The following SLC12A8 variants were observed in gnomAD, a reference collection of about 807,000 sequenced individuals.
SLC12A8 encodes the protein solute carrier family 12 member 8.
In SLC12A8, 69 loss-of-function variants were observed where a neutral mutation model predicts 75.6. That is an observed-to-expected ratio of 0.91 (90% CI 0.75 to 1.11). SLC12A8 has a LOEUF of 1.11. SLC12A8 is among the 50% of genes most tolerant of loss of function. The pLI, the probability that SLC12A8 is intolerant of heterozygous loss-of-function variation, is 0.00. For synonymous variants in SLC12A8, 365 were observed against 372.8 expected (o/e 0.98, Z 0.24); for missense variants, 877 against 896.7 (o/e 0.98, Z 0.28).
In SLC12A8 at chr3:125,177,726, G is replaced by A. The variant is rs771537676; in HGVS notation, c.622+17C>T. ...TGAAGATCCATAAGGCCACATACTG[G>A]ACTCTGAAAGGCTTACCTGGGTCCA... On this transcript the variant is annotated intron_variant, in intron 5 of 13. Transcript: ENST00000469902. 5 of 1,600,686 alleles carry A rather than the reference G, an allele frequency of 3.1e-6. No individual in the cohort carries two copies. In the East Asian group the frequency reaches 8.9e-5, roughly 29 times the overall value.
intron 4 of SLC12A8, among the ~76,000 whole-genome samples, chr3:125,181,513 A>G (rs1370018045): frequency 1.4e-5 from 2 of 147,204 alleles, no homozygotes; most frequent in Non-Finnish European, 3.0e-5. Context: ...AGGCAGGAGA[A>G]TGGCGTGAAC....
intron 4 of SLC12A8, among the ~76,000 whole-genome samples, chr3:125,181,607 C>CAAAAAACAAAAA (rs1934662463): frequency 1.5e-5 from 1 of 67,636 alleles, no homozygotes; most frequent in Non-Finnish European, 2.6e-5. Flanking sequence ...GACTCCGTCT[C>CAAAAAACAAAAA]AAAAAAAAAA....
chr3:125,105,849 G>A (rs1371620593), intron 10 of SLC12A8, among the ~76,000 whole-genome samples: 1 of 152,124 alleles, frequency 6.6e-6, no homozygotes, highest in African/African-American at 2.4e-5. Flanking sequence ...GGCCAACATG[G>A]TGAAACCCCA....
intron 6 of SLC12A8, among the ~76,000 whole-genome samples, chr3:125,127,282 C>T (rs1038416334): frequency 1.3e-5 from 2 of 152,218 alleles, no homozygotes; most frequent in African/African-American, 4.8e-5. Context: ...GTTTCCCTCC[C>T]TCTCAATGTT....
rs1560077092 is a variant in SLC12A8 at position 125,177,831 on chromosome 3, C to T, written c.534G>A (p.Trp178Ter). 6.2e-7 allele frequency: 1 copy of T among 1,614,180 alleles called. No homozygotes were observed. Among genetic ancestry groups the T allele is most frequent in the African/African-American group, 1.3e-5 (1 of 75,038 alleles). Residue 178 changes from tryptophan to a stop codon, truncating the protein, a stop_gained, in exon 5 of 14, where the codon TGG becomes TGA. Coordinates refer to ENST00000469902, the MANE Select transcript of SLC12A8 (RefSeq NM_024628.6). LOFTEE classifies it high-confidence loss of function. The part of the protein sequence containing the change: ...LLGINLAGVK[W>*]IIRLQLLLLF... ...GCAACAGCAGCTGGAGGCGGATTAT[C>T]CATTTGACACCTGCGAGGTTAATGC...
intron 5 of SLC12A8, among the ~76,000 whole-genome samples, chr3:125,144,602 C>T (rs1206162303): frequency 1.3e-5 from 2 of 152,136 alleles, no homozygotes; most frequent in East Asian, 3.9e-4. Context: ...AAGTCTCCAC[C>T]CTGGCTGTGG....
intron 13 of SLC12A8, among the ~76,000 whole-genome samples, chr3:125,087,162 C>A (rs1938481066): frequency 6.6e-6 from 1 of 150,760 alleles, no homozygotes; most frequent in South Asian, 2.1e-4. Flanking sequence ...TGGCACGATC[C>A]CGGCTCACAG....
At chr3:125,092,573 G>A (rs1312000530) in intron 10 of SLC12A8, among the ~76,000 whole-genome samples, 1 of 152,106 alleles carries the variant, frequency 6.6e-6, no homozygotes, top group Non-Finnish European at 1.5e-5. Flanking sequence ...GACTGCTAGG[G>A]CAGGTTGGCT....
intron 5 of SLC12A8, among the ~76,000 whole-genome samples, chr3:125,137,595 G>A (rs1254658367): frequency 6.6e-6 from 1 of 152,178 alleles, no homozygotes; most frequent in Non-Finnish European, 1.5e-5. Flanking sequence ...GTGCCCGGCA[G>A]GCCCGCCTCG....
intron 10 of SLC12A8, among the ~76,000 whole-genome samples, chr3:125,096,006 C>T (rs909206693): frequency 2.6e-5 from 4 of 152,230 alleles, no homozygotes; most frequent in Admixed American, 1.3e-4. Context: ...CAATGGCCCA[C>T]ATGGCCCTAT....
At chr3:125,196,662 C>T (rs183456003) in intron 2 of SLC12A8, among the ~76,000 whole-genome samples, 11 of 152,344 alleles carry the variant, frequency 7.2e-5, no homozygotes, top group Admixed American at 1.3e-4. Flanking sequence ...GGCACAGTGG[C>T]TCACACCTGT....
chr3:125,163,013 G>T (rs1434769873), intron 5 of SLC12A8, among the ~76,000 whole-genome samples: 2 of 152,190 alleles, frequency 1.3e-5, no homozygotes, highest in Non-Finnish European at 2.9e-5. Context: ...GGTTTGAAAT[G>T]GTCCTTGGGG....
At chr3:125,157,587 C>T (rs985746557) in intron 5 of SLC12A8, among the ~76,000 whole-genome samples, 3 of 152,232 alleles carry the variant, frequency 2.0e-5, no homozygotes, top group African/African-American at 7.2e-5. Context: ...AACCCTGTCC[C>T]AGCACACTCA....
chr3:125,154,501 T>A (rs1934002826), intron 5 of SLC12A8, among the ~76,000 whole-genome samples: 2 of 152,172 alleles, frequency 1.3e-5, no homozygotes, highest in Non-Finnish European at 2.9e-5. Flanking sequence ...TATAGTGAGA[T>A]GTATAATGCT....
At chr3:125,164,084 C>A (rs953175950) in intron 5 of SLC12A8, among the ~76,000 whole-genome samples, 1 of 152,208 alleles carries the variant, frequency 6.6e-6, no homozygotes. Context: ...AAGAGGCTCA[C>A]CTCTAACAGT....
At chr3:125,084,660 G>T (rs779825450) in intron 13 of SLC12A8, among the ~76,000 whole-genome samples, 12 of 152,242 alleles carry the variant, frequency 7.9e-5, no homozygotes, top group Non-Finnish European at 1.3e-4. Context: ...TGTTAGGGAT[G>T]CATAGGGAAA....
At chr3:125,198,548 G>T (rs547137865) in intron 2 of SLC12A8, among the ~76,000 whole-genome samples, 16 of 152,078 alleles carry the variant, frequency 1.1e-4, no homozygotes, top group African/African-American at 3.1e-4. Flanking sequence ...CAGAAGCATC[G>T]CTTGAACCTG....
rs1292580260 is a variant in SLC12A8, at chr3:125,120,579, T to C, written c.824+20A>G. ...TCTCCCACTCTCTAGCTCAGACTGA[T>C]TGCCATGAGGGGAACTTACGAGATG... On this transcript the variant is annotated intron_variant, in intron 7 of 13. Coordinates refer to ENST00000469902, the MANE Select transcript of SLC12A8 (RefSeq NM_024628.6). 1.9e-6 allele frequency: 3 copies of C among 1,585,364 alleles called. No homozygotes were observed. In the East Asian group the frequency reaches 6.7e-5, roughly 35 times the overall value.
intron 5 of SLC12A8, among the ~76,000 whole-genome samples, chr3:125,146,280 A>G (rs761790338): frequency 3.3e-5 from 5 of 152,270 alleles, no homozygotes; most frequent in African/African-American, 4.8e-5. Context: ...GGCAGAAAGT[A>G]TCATAGAACA....
Sources: allele counts gnomAD v4.1 joint callset (sites outside exome capture counted in the v4.1 genomes callset), GRCh38; gene constraint gnomAD v4.1.1; transcripts MANE v1.5; gene names NCBI Gene and HGNC (gene_info 2026-07-23, HGNC 2026-07-21).